Variants in NIBAN2 observed in about 807,000 individuals in gnomAD.
NIBAN2 encodes niban apoptosis regulator 2, also known as protein Niban 2.
Under a neutral mutation model 81.8 loss-of-function variants are expected in NIBAN2, and 36 were observed. That is an observed-to-expected ratio of 0.44 (90% confidence interval 0.34 to 0.58). The LOEUF (loss-of-function observed/expected upper bound fraction) is 0.58. NIBAN2 is among the 20% of genes least tolerant of loss of function. The probability of loss-of-function intolerance (pLI) is 0.02; values close to 1 mark genes in which losing one functional copy is unlikely to be tolerated. For synonymous variants in NIBAN2, 445 were observed against 441.6 expected (o/e 1.01, Z -0.10); for missense variants, 897 against 1,014.1 (o/e 0.88, Z 1.57).
intron 1 of NIBAN2, chr9:127,561,048 G>A (rs978932128): frequency 3.4e-6 from 3 of 873,520 alleles, no homozygotes; most frequent in Non-Finnish European, 4.1e-6. Flanking sequence ...ACACATGGGT[G>A]GGCAAGGAGG....
At chr9:127,541,001 G>C (rs1837368343) in intron 1 of NIBAN2, among the ~76,000 whole-genome samples, 1 of 152,248 alleles carries the variant, frequency 6.6e-6, no homozygotes, top group African/African-American at 2.4e-5. Context: ...GGCATAGGGA[G>C]CAGGTCCAGC....
At chr9:127,561,869 GC>G (rs1306988458) in intron 1 of NIBAN2, among the ~76,000 whole-genome samples, 1 of 152,232 alleles carries the variant, frequency 6.6e-6, no homozygotes, top group African/African-American at 2.4e-5. Flanking sequence ...CTAGGCATCT[GC>G]CCGGACTCCT....
chr9:127,527,066 G>A, intron 3 of NIBAN2, 128 bp downstream of exon 3: 1 of 1,157,936 alleles, frequency 8.6e-7, no homozygotes, highest in Non-Finnish European at 1.3e-6. Flanking sequence ...CTGAGGTGGT[G>A]CTCTGGCCCT....
intron 4 of NIBAN2, 106 bp from the exon 5 acceptor site, chr9:127,523,952 C>T: frequency 8.1e-7 from 1 of 1,233,264 alleles, no homozygotes; most frequent in African/African-American, 1.5e-5. Flanking sequence ...AGGCTCAGGC[C>T]CAGAGAAGGC....
rs972018273 is a variant in NIBAN2, at chr9:127,536,053, T to C, written c.56-4275A>G. 3.3e-5 allele frequency among the ~76,000 whole-genome samples: 5 copies of C among 151,474 alleles called. No individual in the cohort carries two copies. Among genetic ancestry groups the C allele is most frequent in the African/African-American group, 1.2e-4 (5 of 41,204 alleles). ...AGAAGGGTGGCGACCACGGGAGAGCTAGAAAGGGAGGACCATGGGAAACAG... is the reference window on the plus strand; with the variant it reads ...AGAAGGGTGGCGACCACGGGAGAGCCAGAAAGGGAGGACCATGGGAAACAG... On this transcript the variant is annotated intron_variant, in intron 1 of 13. Coordinates refer to ENST00000373312, the MANE Select transcript of NIBAN2 (RefSeq NM_022833.4). The surrounding 1 kb of genome is among the most constrained non-coding windows in gnomAD (Gnocchi z 4.0).
intron 1 of NIBAN2, among the ~76,000 whole-genome samples, chr9:127,558,416 C>T (rs1018572472): frequency 6.6e-6 from 1 of 152,128 alleles, no homozygotes; most frequent in Admixed American, 6.6e-5. Flanking sequence ...CTCTGGTGCC[C>T]CTGAGAGCAT....
chr9:127,543,822 A>C (rs1419840105), intron 1 of NIBAN2, among the ~76,000 whole-genome samples: 1 of 152,126 alleles, frequency 6.6e-6, no homozygotes, highest in African/African-American at 2.4e-5. Context: ...TCAGTTCCCC[A>C]CTTGCAGAAA....
rs755103095 is a variant in NIBAN2 at position 127,509,016 on chromosome 9, G to A, written c.1277C>T (p.Thr426Met). ...GLQQRFDVSS[T>M]SVFKQRAQIH... ...CTGGGCTCGCTGCTTGAACACGGACGTGCTGGACACATCAAATCGCTGCTG... is the reference window on the plus strand; with the variant it reads ...CTGGGCTCGCTGCTTGAACACGGACATGCTGGACACATCAAATCGCTGCTG... The change falls in exon 10 of 14, where the codon ACG (threonine) becomes ATG (methionine). Residue 426 changes from threonine (T) to methionine (M), a missense_variant. Transcript: ENST00000373312. 4.0e-5 allele frequency: 65 copies of A among 1,613,818 alleles called. No homozygotes were observed. The East Asian group carries it at 1.2e-3, about 30-fold the overall frequency.
At chr9:127,551,398 C>T (rs540058691) in intron 1 of NIBAN2, among the ~76,000 whole-genome samples, 1 of 152,080 alleles carries the variant, frequency 6.6e-6, no homozygotes, top group Non-Finnish European at 1.5e-5. Flanking sequence ...TGGTGGGCAC[C>T]TGTAATCCCA....
At chr9:127,565,219 C>T (rs367648277) in intron 1 of NIBAN2, among the ~76,000 whole-genome samples, 2 of 152,034 alleles carry the variant, frequency 1.3e-5, no homozygotes, top group African/African-American at 4.8e-5. Context: ...TCCTCAGCCT[C>T]CCAAAGTGCT....
At chr9:127,553,266 G>C (rs1837610182) in intron 1 of NIBAN2, among the ~76,000 whole-genome samples, 1 of 152,240 alleles carries the variant, frequency 6.6e-6, no homozygotes, top group African/African-American at 2.4e-5. Context: ...CTCCAGAGCT[G>C]TGAGAACCTG....
At chr9:127,519,455 A>G (rs544698013) in intron 5 of NIBAN2, among the ~76,000 whole-genome samples, 1 of 152,318 alleles carries the variant, frequency 6.6e-6, no homozygotes, top group South Asian at 2.1e-4. Context: ...CCGCATCCCC[A>G]AAGCCCAGGA....
chr9:127,522,517 C>T (rs749451771), intron 5 of NIBAN2, among the ~76,000 whole-genome samples: 1 of 152,098 alleles, frequency 6.6e-6, no homozygotes, highest in African/African-American at 2.4e-5. Context: ...AGACCATCCT[C>T]AGCCTTTCTG....
intron 1 of NIBAN2, among the ~76,000 whole-genome samples, chr9:127,554,416 G>A (rs534377851): frequency 6.6e-6 from 1 of 152,250 alleles, no homozygotes; most frequent in East Asian, 1.9e-4. Context: ...TCCCCGCTCC[G>A]GAGCCTGCCC....
rs563764044 is a variant in NIBAN2, at chr9:127,566,198, G to C, written c.55+2622C>G. Among the ~76,000 whole-genome samples, 10 of 152,250 alleles carry C rather than the reference G, an allele frequency of 6.6e-5. No homozygotes were observed. The South Asian group carries it at 2.1e-3, about 32-fold the overall frequency. On this transcript the variant is annotated intron_variant, in intron 1 of 13. Coordinates refer to ENST00000373312, the MANE Select transcript of NIBAN2 (RefSeq NM_022833.4). ...TGGGACCTTGAGCTGGCTTCAGTCT[G>C]GGGGAGATTTGTGGGGAAAATTTGG...
At chr9:127,569,426 G>T (rs1442699511), upstream of NIBAN2, among the ~76,000 whole-genome samples, 1 of 151,872 alleles carries the variant, frequency 6.6e-6, no homozygotes, top group Admixed American at 6.6e-5. Flanking sequence ...GAAAGAGACG[G>T]GGCTGGTGGG....
At chr9:127,518,455 A>C (rs1170986338) in intron 5 of NIBAN2, among the ~76,000 whole-genome samples, 6 of 152,228 alleles carry the variant, frequency 3.9e-5, no homozygotes, top group Non-Finnish European at 5.9e-5. Context: ...TAGGCAGCAG[A>C]TATTCTCAGC....
intron 5 of NIBAN2, among the ~76,000 whole-genome samples, chr9:127,522,009 C>T (rs964366141): frequency 6.6e-6 from 1 of 152,238 alleles, no homozygotes; most frequent in African/African-American, 2.4e-5. Context: ...GCAGGTCACC[C>T]ACCCTGCCAG....
intron 8 of NIBAN2, among the ~76,000 whole-genome samples, chr9:127,512,011 T>G (rs2265814): frequency 0.47 from 72,133 of 152,028 alleles, 18,866 homozygotes; most frequent in Middle Eastern, 0.61. Flanking sequence ...AAGGAAAATA[T>G]CTTAGGCCCC....
Sources: gnomAD v4.1 joint callset for allele counts (sites outside exome capture counted in the v4.1 genomes callset) on GRCh38, gnomAD v4.1.1 for gene constraint, Gnocchi (gnomAD v3.1) non-coding constraint, MANE v1.5 for transcripts, NCBI Gene and HGNC (gene_info 2026-07-23, HGNC 2026-07-21) for gene names.